The following TNIP3 variants were observed in gnomAD, a reference collection of about 807,000 sequenced individuals.
TNIP3 encodes TNFAIP3 interacting protein 3.
A neutral mutation model predicts 54.1 loss-of-function variants in TNIP3; 34 were observed. That is an observed-to-expected ratio of 0.63 (90% CI 0.48 to 0.84). The LOEUF is 0.84. Among genes scored for constraint, TNIP3 ranks in the 40% least tolerant of loss-of-function variants. The probability of loss-of-function intolerance (pLI) is 0.00; values close to 1 mark genes in which losing one functional copy is unlikely to be tolerated. For missense variants in TNIP3, 366 were observed against 387.6 expected (o/e 0.94, Z 0.47); for synonymous variants, 134 against 136.8 (o/e 0.98, Z 0.14).
chr4:121,197,214 C>T (rs1017535404), intron 2 of TNIP3, among the ~76,000 whole-genome samples: 3 of 152,062 alleles, frequency 2.0e-5, no homozygotes, highest in Non-Finnish European at 2.9e-5. Flanking sequence ...GATGTTCTTA[C>T]ATGAATGCTC....
rs116321615 is a variant in TNIP3, at chr4:121,190,319, T to C, written c.69-7523A>G. ...AGAGACAGGTTTAGCCTGCTAATCATTGTATTTTTCAGAGCCTCACAGAGC... is the reference window on the plus strand; with the variant it reads ...AGAGACAGGTTTAGCCTGCTAATCACTGTATTTTTCAGAGCCTCACAGAGC... On this transcript the variant is annotated intron_variant, in intron 2 of 12. Transcript: ENST00000507879. 4.7e-3 allele frequency among the ~76,000 whole-genome samples: 715 copies of C among 152,254 alleles called. 7 individuals carry two copies. Among genetic ancestry groups the C allele is most frequent in the African/African-American group, 0.016 (684 of 41,520 alleles).
intron 10 of TNIP3, among the ~76,000 whole-genome samples, chr4:121,138,316 G>A (rs1728909852): frequency 6.6e-6 from 1 of 152,212 alleles, no homozygotes; most frequent in African/African-American, 2.4e-5. Flanking sequence ...CAATTGCAGA[G>A]CTTTGTTGTT....
intron 3 of TNIP3, among the ~76,000 whole-genome samples, chr4:121,174,471 T>A (rs1052462069): frequency 6.6e-6 from 1 of 151,904 alleles, no homozygotes; most frequent in African/African-American, 2.4e-5. Context: ...AAAGATGATG[T>A]AGGTATATGG....
chr4:121,145,244 C>A (rs974823678), intron 7 of TNIP3, among the ~76,000 whole-genome samples: 2 of 152,106 alleles, frequency 1.3e-5, no homozygotes, highest in African/African-American at 4.8e-5. Context: ...ATCATCAAAC[C>A]ATCTATTACA....
upstream of TNIP3, among the ~76,000 whole-genome samples, chr4:121,219,945 C>A (rs986445040): frequency 2.6e-5 from 4 of 152,072 alleles, no homozygotes; most frequent in African/African-American, 9.7e-5. Context: ...ACTAAATTAA[C>A]ATTAAATGTT....
chr4:121,138,094 G>A (rs1005151377), intron 10 of TNIP3: 6 of 408,586 alleles, frequency 1.5e-5, no homozygotes, highest in Non-Finnish European at 2.4e-5. Flanking sequence ...TACTTCATAA[G>A]TGACTTTTAG....
intron 2 of TNIP3, among the ~76,000 whole-genome samples, chr4:121,209,868 G>T (rs1246723478): frequency 6.6e-6 from 1 of 152,022 alleles, no homozygotes; most frequent in Non-Finnish European, 1.5e-5. Context: ...ACTTCTTATG[G>T]TATATTTCTT....
intron 1 of TNIP3, 110 bp from the exon 2 acceptor site, chr4:121,161,326 A>T: frequency 2.3e-6 from 2 of 863,886 alleles, no homozygotes; most frequent in Middle Eastern, 2.3e-4. Context: ...GTTGCGATTT[A>T]AAAAATACCT....
chr4:121,154,807 C>T, intron 4 of TNIP3, 128 bp from the exon 5 acceptor site: 1 of 785,878 alleles, frequency 1.3e-6, no homozygotes, highest in Non-Finnish European at 1.9e-6. Context: ...ACAATAAAAA[C>T]AGGACCTGCA....
chr4:121,206,852 G>T (rs971194104), intron 2 of TNIP3, among the ~76,000 whole-genome samples: 2 of 152,148 alleles, frequency 1.3e-5, no homozygotes, highest in African/African-American at 4.8e-5. Context: ...TTACAGGTGT[G>T]AGCCACTGAG....
intron 2 of TNIP3, among the ~76,000 whole-genome samples, chr4:121,205,278 A>G (rs1303539331): frequency 2.0e-5 from 3 of 152,104 alleles, no homozygotes; most frequent in Admixed American, 2.0e-4. Context: ...CATTCCCTGT[A>G]AAGGTAGCCA....
chr4:121,169,569 G>A (rs1280862984), intron 3 of TNIP3, among the ~76,000 whole-genome samples: 4 of 152,082 alleles, frequency 2.6e-5, no homozygotes, highest in Non-Finnish European at 5.9e-5. Context: ...CCAAAGTAGT[G>A]CCATTTTAGT....
At chr4:121,169,563 A>T (rs1730956465) in intron 3 of TNIP3, among the ~76,000 whole-genome samples, 2 of 152,182 alleles carry the variant, frequency 1.3e-5, no homozygotes, top group South Asian at 4.1e-4. Flanking sequence ...TCGAGCCCAA[A>T]GTAGTGCCAT....
intron 5 of TNIP3, 181 bp downstream of exon 5, chr4:121,154,370 C>T (rs893007997): frequency 8.2e-6 from 6 of 734,202 alleles, no homozygotes; most frequent in African/African-American, 1.8e-5. Context: ...CTAAAGCCTC[C>T]TTAGCCAAGT....
chr4:121,188,447 G>A (rs564332406), intron 2 of TNIP3, among the ~76,000 whole-genome samples: 1 of 152,250 alleles, frequency 6.6e-6, no homozygotes, highest in South Asian at 2.1e-4. Context: ...ATTTTCAGGT[G>A]TTTGGAGCCC....
At chr4:121,173,303 G>T (rs146950480) in intron 3 of TNIP3, among the ~76,000 whole-genome samples, 2 of 152,268 alleles carry the variant, frequency 1.3e-5, no homozygotes, top group East Asian at 1.9e-4. Flanking sequence ...GACCTTTGAC[G>T]TTGTATCCAA....
chr4:121,160,821 G>A (rs771718773), intron 2 of TNIP3, among the ~76,000 whole-genome samples: 1 of 152,248 alleles, frequency 6.6e-6, no homozygotes, highest in East Asian at 1.9e-4. Context: ...AGGCACAAAC[G>A]ATAAAGGCAT....
intron 2 of TNIP3, among the ~76,000 whole-genome samples, chr4:121,205,181 A>G (rs1041030079): frequency 6.6e-6 from 1 of 152,184 alleles, no homozygotes; most frequent in African/African-American, 2.4e-5. Flanking sequence ...AAATGGAGTG[A>G]TCAAAGGTGG....
At chr4:121,210,379 T>A (rs1037303839) in intron 2 of TNIP3, among the ~76,000 whole-genome samples, 1 of 152,246 alleles carries the variant, frequency 6.6e-6, no homozygotes, top group African/African-American at 2.4e-5. Context: ...GAATATCTTC[T>A]AATATATTGC....
Sources: gnomAD v4.1 joint callset for allele counts (sites outside exome capture counted in the v4.1 genomes callset) on GRCh38, gnomAD v4.1.1 for gene constraint, MANE v1.5 for transcripts, NCBI Gene and HGNC (gene_info 2026-07-23, HGNC 2026-07-21) for gene names.